CCL24: variants seen among roughly 807,000 people sequenced by gnomAD.
The protein encoded by CCL24 is C-C motif chemokine ligand 24, also known as C-C motif chemokine 24.
A neutral mutation model predicts 8.6 loss-of-function variants in CCL24; 6 were observed. The ratio of observed to expected loss-of-function variants is 0.70; its 90% CI spans 0.38 to 1.38. The LOEUF is 1.38. Among genes scored for constraint, CCL24 ranks in the 40% most tolerant of loss-of-function variants. The pLI, the probability that CCL24 is intolerant of heterozygous loss-of-function variation, is 0.02. For missense variants in CCL24, 126 were observed against 147.1 expected (o/e 0.86, Z 0.74); for synonymous variants, 59 against 52.7 (o/e 1.12, Z -0.52).
intron 1 of CCL24, among the ~76,000 whole-genome samples, chr7:75,820,018 A>ACTTCCT (rs1554534774): frequency 0.017 from 1,810 of 104,950 alleles, 88 homozygotes; most frequent in South Asian, 0.032. Flanking sequence ...TTAGTAAACT[A>ACTTCCT]CTTCTTCTTC....
At chr7:75,820,148 CCTCCTTCTCCTTCTCCTT>C (rs376518219) in intron 1 of CCL24, among the ~76,000 whole-genome samples, 22,506 of 98,574 alleles carry the variant, frequency 0.23, 2,986 homozygotes, top group Middle Eastern at 0.29. Flanking sequence ...TCCTCCTCCT[CCTCCTTCTCCTTCTCCTT>C]CTCCTTCTCC....
At chr7:75,814,643 G>A (rs11465286), upstream of CCL24, among the ~76,000 whole-genome samples, 5,840 of 151,836 alleles carry the variant, frequency 0.038, 107 homozygotes, top group Non-Finnish European at 0.042. Flanking sequence ...TGTCAGGACC[G>A]CTTTCCATCA....
At chr7:75,822,597 G>A (rs1203301932) in intron 1 of CCL24, among the ~76,000 whole-genome samples, 1 of 142,438 alleles carries the variant, frequency 7.0e-6, no homozygotes, top group Non-Finnish European at 1.5e-5. Flanking sequence ...ACTTTGGGTG[G>A]CCTAGGCGGT....
Position 75,812,006 on chromosome 7 carries a change from G to A in CCL24, c.192-42C>T, listed in dbSNP as rs782286069. ...CAGGGGATCAGCTGAGGTCGACAGGGACCTTGGGCCACTCCACTTCATGGC... is the reference window on the plus strand; with the variant it reads ...CAGGGGATCAGCTGAGGTCGACAGGAACCTTGGGCCACTCCACTTCATGGC... On this transcript the variant is annotated intron_variant, in intron 2 of 2. Coordinates refer to ENST00000222902, the MANE Select transcript of CCL24 (RefSeq NM_002991.3). The A allele has an allele frequency of 6.4e-6, 10 of 1,574,546 alleles. No homozygotes were observed. In the African/African-American group the frequency reaches 1.4e-4, roughly 21 times the overall value.
intron 1 of CCL24, among the ~76,000 whole-genome samples, chr7:75,818,937 C>T (rs1265030361): frequency 2.6e-5 from 4 of 151,148 alleles, no homozygotes; most frequent in African/African-American, 9.7e-5. Flanking sequence ...CTTTAAGGAA[C>T]TTTATATATA....
chr7:75,818,540 C>T (rs1257228132), upstream of CCL24, among the ~76,000 whole-genome samples: 1 of 151,202 alleles, frequency 6.6e-6, no homozygotes, highest in Non-Finnish European at 1.5e-5. Context: ...CTTTGGGAGG[C>T]CGAGGTGGGA....
chr7:75,818,760 C>T (rs1366946054), upstream of CCL24, among the ~76,000 whole-genome samples: 1 of 151,994 alleles, frequency 6.6e-6, no homozygotes, highest in Non-Finnish European at 1.5e-5. Context: ...CCTGATGGCT[C>T]CAGCACAGAC....
At chr7:75,813,562 G>T in intron 1 of CCL24, 81 bp downstream of exon 1, 1 of 1,370,504 alleles carries the variant, frequency 7.3e-7, no homozygotes, top group Non-Finnish European at 1.0e-6. Context: ...CTTCCCTCCA[G>T]CCCCAGGCTG....
upstream of CCL24, among the ~76,000 whole-genome samples, chr7:75,816,424 CCT>C (rs1554534145): frequency 6.6e-6 from 1 of 152,092 alleles, no homozygotes; most frequent in African/African-American, 2.4e-5. Context: ...GGCACCTGCC[CCT>C]GTCTGCCTTC....
At chr7:75,814,420 G>A (rs1409901230), upstream of CCL24, among the ~76,000 whole-genome samples, 1 of 152,042 alleles carries the variant, frequency 6.6e-6, no homozygotes, top group African/African-American at 2.4e-5. Flanking sequence ...AAAAAAATTA[G>A]CCAGGCGTGG....
At chr7:75,813,201 C>T (rs1803811732) in intron 2 of CCL24, 105 bp downstream of exon 2, 1 of 665,886 alleles carries the variant, frequency 1.5e-6, no homozygotes, top group African/African-American at 1.8e-5. Context: ...GGTGACTTCT[C>T]CAGGGATGCA....
intron 1 of CCL24, among the ~76,000 whole-genome samples, chr7:75,821,000 C>T (rs1554535046): frequency 6.6e-6 from 1 of 152,108 alleles, no homozygotes; most frequent in Non-Finnish European, 1.5e-5. Flanking sequence ...GTGCCCCATC[C>T]CAGGCATACC....
chr7:75,813,219 G>A (rs1177754513), intron 2 of CCL24, 87 bp downstream of exon 2: 9 of 750,534 alleles, frequency 1.2e-5, no homozygotes, highest in East Asian at 5.2e-5. Context: ...GCACAGAGCT[G>A]GGGCTGGCTG....
chr7:75,811,233 C>A lies in CCL24; in HGVS notation c.*563G>T, dbSNP rs1194748710. 6.6e-6 allele frequency among the ~76,000 whole-genome samples: 1 copy of A among 151,306 alleles called. No homozygotes were observed. Among genetic ancestry groups the A allele is most frequent in the African/African-American group, 2.4e-5 (1 of 41,184 alleles). On this transcript the variant is annotated 3_prime_UTR_variant, in exon 3 of 3. Transcript: ENST00000222902. ...GTGGCTCATGCCTGTAATCCCAGCA[C>A]TTTGGGAGGCCGAGGCAGGTAGATC...
At chr7:75,814,583 CCAAT>C (rs1427145996), upstream of CCL24, among the ~76,000 whole-genome samples, 1 of 151,686 alleles carries the variant, frequency 6.6e-6, no homozygotes, top group Non-Finnish European at 1.5e-5. Context: ...AATCAATCAA[CCAAT>C]CAATCAATCA....
In CCL24 at chr7:75,813,631, C is replaced by G; in HGVS notation, c.73+12G>C. On this transcript the variant is annotated intron_variant, in intron 1 of 2. Coordinates refer to ENST00000222902, the MANE Select transcript of CCL24 (RefSeq NM_002991.3). ...CCATGCCCTTGGAACTGCATCCTGT[C>G]GGAGGTCTTACCCGTAGGGATGATG... 6.2e-7 allele frequency: 1 copy of G among 1,609,664 alleles called. No individual in the cohort carries two copies. Among genetic ancestry groups the G allele is most frequent in the Non-Finnish European group, 8.5e-7 (1 of 1,176,002 alleles).
upstream of CCL24, among the ~76,000 whole-genome samples, chr7:75,816,861 C>CAA (rs57957590): frequency 2.0e-4 from 20 of 98,332 alleles, no homozygotes; most frequent in East Asian, 2.7e-4. Context: ...TGCACCTGGC[C>CAA]AAAAAAAAAA....
At chr7:75,821,221 C>G (rs1166326315) in intron 1 of CCL24, among the ~76,000 whole-genome samples, 7 of 152,024 alleles carry the variant, frequency 4.6e-5, no homozygotes, top group African/African-American at 1.7e-4. Flanking sequence ...AGGGAGGAAA[C>G]TGGGCAGAGA....
chr7:75,822,052 A>C (rs1053808954), intron 1 of CCL24, among the ~76,000 whole-genome samples: 2 of 152,110 alleles, frequency 1.3e-5, no homozygotes, highest in Non-Finnish European at 2.9e-5. Flanking sequence ...CGGTGAGCCA[A>C]GATCGCACCA....
Sources: gnomAD v4.1 joint callset for allele counts (sites outside exome capture counted in the v4.1 genomes callset) on GRCh38, gnomAD v4.1.1 for gene constraint, MANE v1.5 for transcripts, NCBI Gene and HGNC (gene_info 2026-07-23, HGNC 2026-07-21) for gene names.